MAP3K19: variants seen among roughly 807,000 people sequenced by gnomAD.
MAP3K19 encodes the protein mitogen-activated protein kinase kinase kinase 19.
MAP3K19 carries 91 observed loss-of-function variants against 114.4 expected under a neutral mutation model. That is an observed-to-expected ratio of 0.80 (90% CI 0.67 to 0.95). The LOEUF (loss-of-function observed/expected upper bound fraction) is 0.95. Ranked by LOEUF, MAP3K19 falls within the 40% of genes least tolerant of loss-of-function variation. The pLI is 0.00. For synonymous variants in MAP3K19, 518 were observed against 530.5 expected (o/e 0.98, Z 0.32); for missense variants, 1,471 against 1,573.2 (o/e 0.94, Z 1.10).
At chr2:135,021,871 TC>T (rs1193093600) in intron 4 of MAP3K19, 41 bp from the exon 5 acceptor site, 2 of 1,249,438 alleles carry the variant, frequency 1.6e-6, no homozygotes, top group African/African-American at 3.0e-5. Context: ...ATAAGATTCA[TC>T]TCCAGCAATT....
At chr2:134,968,900 A>C (rs1326103679) in intron 12 of MAP3K19, among the ~76,000 whole-genome samples, 2 of 147,228 alleles carry the variant, frequency 1.4e-5, no homozygotes, top group African/African-American at 2.5e-5. Context: ...CTCACATCCC[A>C]GACGATGGGC....
chr2:135,008,826 T>C (rs1007044165), intron 5 of MAP3K19, among the ~76,000 whole-genome samples: 1 of 152,162 alleles, frequency 6.6e-6, no homozygotes, highest in Admixed American at 6.5e-5. Flanking sequence ...GCACACAGGC[T>C]GGAATGCAGT....
chr2:135,017,775 A>AT (rs1687676922), intron 5 of MAP3K19, among the ~76,000 whole-genome samples: 1 of 152,140 alleles, frequency 6.6e-6, no homozygotes. Flanking sequence ...ATGCTGCAAA[A>AT]TCATTTCTCA....
chr2:134,991,432 C>T, intron 9 of MAP3K19, 105 bp downstream of exon 9: 1 of 944,950 alleles, frequency 1.1e-6, no homozygotes, highest in Non-Finnish European at 1.7e-6. Context: ...CTACCCCCTG[C>T]ATTGTTGAAG....
chr2:135,026,803 C>G (rs1285709020), intron 3 of MAP3K19, among the ~76,000 whole-genome samples: 1 of 152,082 alleles, frequency 6.6e-6, no homozygotes, highest in Non-Finnish European at 1.5e-5. Flanking sequence ...GAGCTGGATA[C>G]TCAAGAATTA....
Position 134,980,992 on chromosome 2 carries a change from A to C in MAP3K19, c.3749T>G (p.Ile1250Ser). The C allele has an allele frequency of 1.9e-6, 3 of 1,614,190 alleles. No individual in the cohort carries two copies. Among genetic ancestry groups the C allele is most frequent in the Non-Finnish European group, 2.5e-6 (3 of 1,180,036 alleles). ...NESGYGRKSD[I>S]WSIGCTVFEM... ...AAACACAGTACAACCAATGCTCCAG[A>C]TATCTGATTTCCGTCCATAGCCAGA... The change falls in exon 12 of 13, where the codon ATC (isoleucine) becomes AGC (serine). Residue 1250 changes from isoleucine to serine, a missense_variant. Coordinates refer to ENST00000392915, the MANE Select transcript of MAP3K19 (RefSeq NM_025052.5).
intron 12 of MAP3K19, among the ~76,000 whole-genome samples, chr2:134,970,306 T>C (rs1016514757): frequency 3.9e-5 from 6 of 152,194 alleles, no homozygotes; most frequent in Admixed American, 6.5e-5. Context: ...TAGTTTTCCT[T>C]GTAGAGGTCT....
chr2:135,032,372 A>AG (rs1553434455), intron 2 of MAP3K19, among the ~76,000 whole-genome samples: 8,004 of 145,290 alleles, frequency 0.055, 504 homozygotes, highest in African/African-American at 0.14. Flanking sequence ...AAAAAAAAAA[A>AG]AGAAAAGAAA....
intron 1 of MAP3K19, among the ~76,000 whole-genome samples, chr2:135,046,695 C>A (rs977629615): frequency 6.6e-6 from 1 of 152,144 alleles, no homozygotes; most frequent in Non-Finnish European, 1.5e-5. Context: ...CATGGTTTAT[C>A]TATTTGTAAA....
chr2:134,966,844 C>CAACA, intron 12 of MAP3K19, among the ~76,000 whole-genome samples: 1 of 152,168 alleles, frequency 6.6e-6, no homozygotes. Context: ...GACAGTGGAC[C>CAACA]TGTTCTCCAT....
intron 1 of MAP3K19, among the ~76,000 whole-genome samples, chr2:135,046,551 C>T (rs1191597354): frequency 1.3e-5 from 2 of 152,206 alleles, no homozygotes; most frequent in Non-Finnish European, 2.9e-5. Flanking sequence ...GCTAGGATTA[C>T]GGGCATGAGC....
intron 5 of MAP3K19, among the ~76,000 whole-genome samples, chr2:135,015,912 T>C (rs1687558682): frequency 6.6e-6 from 1 of 151,882 alleles, no homozygotes; most frequent in South Asian, 2.1e-4. Flanking sequence ...AAAATATTTG[T>C]TGCCAGCTCC....
Position 134,964,874 on chromosome 2 carries a change from G to C in MAP3K19, c.3963C>G (p.His1321Gln). ...ERPSALQLLKHSFLERSH is the reference protein window; with the variant it reads ...ERPSALQLLKQSFLERSH Reference sequence around the variant, plus strand: ...TTCAGTGACTTCTCTCCAAGAAGGAGTGCTTCAGGAGCTGGAGAGCAGAAG... The same window carrying C: ...TTCAGTGACTTCTCTCCAAGAAGGACTGCTTCAGGAGCTGGAGAGCAGAAG... Residue 1321 changes from histidine (H) to glutamine (Q), a missense_variant, in exon 13 of 13, where the codon CAC becomes CAG. Transcript: ENST00000392915. The C allele has an allele frequency of 6.2e-7, 1 of 1,613,348 alleles. No individual in the cohort carries two copies. Among genetic ancestry groups the C allele is most frequent in the Non-Finnish European group, 8.5e-7 (1 of 1,179,534 alleles).
At chr2:135,018,989 AC>A (rs1687785143) in intron 5 of MAP3K19, among the ~76,000 whole-genome samples, 1 of 151,900 alleles carries the variant, frequency 6.6e-6, no homozygotes, top group Non-Finnish European at 1.5e-5. Context: ...GGAGGCAGAG[AC>A]GGGAAAATTG....
At chr2:134,998,578 C>T (rs144734113) in intron 8 of MAP3K19, among the ~76,000 whole-genome samples, 160 bp downstream of exon 8, 6 of 152,256 alleles carry the variant, frequency 3.9e-5, no homozygotes, top group East Asian at 3.9e-4. Flanking sequence ...TTGTCTGTCT[C>T]GCACCCCCAT....
rs140095791 is a variant in MAP3K19, at chr2:134,995,416, C to A, written c.574+3322G>T. Among the ~76,000 whole-genome samples the A allele has an allele frequency of 1.7e-3, 260 of 151,776 alleles. 1 individual carries two copies. Among genetic ancestry groups the A allele is most frequent in the Middle Eastern group, 3.5e-3 (1 of 284 alleles). ...AGGCAAGGGAATTCCCAGGATGACA[C>A]GAAGGGAATCTCAGATGGGCGGCTG... On this transcript the variant is annotated intron_variant, in intron 8 of 12. Coordinates refer to ENST00000392915, the MANE Select transcript of MAP3K19 (RefSeq NM_025052.5).
At chr2:135,045,461 A>G (rs1217800366) in intron 1 of MAP3K19, among the ~76,000 whole-genome samples, 1 of 152,190 alleles carries the variant, frequency 6.6e-6, no homozygotes, top group African/African-American at 2.4e-5. Flanking sequence ...GGATCATTTC[A>G]GGGGGAAAAA....
chr2:135,006,855 G>T (rs1306704070), intron 5 of MAP3K19, among the ~76,000 whole-genome samples: 1 of 148,214 alleles, frequency 6.7e-6, no homozygotes, highest in African/African-American at 2.5e-5. Flanking sequence ...AGAGAAAAAA[G>T]AAAAGAAGAA....
At chr2:135,012,348 A>T (rs560784294) in intron 5 of MAP3K19, among the ~76,000 whole-genome samples, 16 of 152,020 alleles carry the variant, frequency 1.1e-4, no homozygotes, top group Admixed American at 8.5e-4. Context: ...GCTGGGAATC[A>T]CTCCCTTGTT....
Sources: allele counts gnomAD v4.1 joint callset (sites outside exome capture counted in the v4.1 genomes callset), GRCh38; gene constraint gnomAD v4.1.1; transcripts MANE v1.5; gene names NCBI Gene and HGNC (gene_info 2026-07-23, HGNC 2026-07-21).